Variants in CEP112 observed in about 807,000 individuals in gnomAD.
The protein encoded by CEP112 is centrosomal protein 112.
CEP112 carries 127 observed loss-of-function variants against 153.0 expected under a neutral mutation model. That is an observed-to-expected ratio of 0.83 (90% CI 0.72 to 0.96). The LOEUF (loss-of-function observed/expected upper bound fraction) is 0.96, where lower values mean the gene tolerates loss of function less well. Ranked by LOEUF, CEP112 falls within the 40% of genes least tolerant of loss-of-function variation. The pLI, the probability that CEP112 is intolerant of heterozygous loss-of-function variation, is 0.00. For synonymous variants in CEP112, 358 were observed against 374.4 expected, an observed-to-expected ratio of 0.96 and a Z score of 0.51; for missense variants, 1,089 against 1,101.2, an observed-to-expected ratio of 0.99 and a Z score of 0.16.
At chr17:65,886,472 T>A (rs1220282023) in intron 20 of CEP112, among the ~76,000 whole-genome samples, 1 of 152,228 alleles carries the variant, frequency 6.6e-6, no homozygotes, top group Non-Finnish European at 1.5e-5. Flanking sequence ...CATATTTTTA[T>A]ACTTGGTTAA....
chr17:65,926,695 AGAGT>A (rs10565080), intron 19 of CEP112, among the ~76,000 whole-genome samples: 5,611 of 151,886 alleles, frequency 0.037, 313 homozygotes, highest in African/African-American at 0.12. Context: ...CCTGGGTGAG[AGAGT>A]GAGACTCCTT....
intron 16 of CEP112, among the ~76,000 whole-genome samples, chr17:66,012,697 T>C (rs1486390436): frequency 6.6e-6 from 1 of 152,176 alleles, no homozygotes; most frequent in African/African-American, 2.4e-5. Context: ...CTGATAACTA[T>C]GTGTCTTGGG....
intron 24 of CEP112, among the ~76,000 whole-genome samples, chr17:65,654,255 G>T (rs925823407): frequency 6.6e-6 from 1 of 152,094 alleles, no homozygotes; most frequent in African/African-American, 2.4e-5. Flanking sequence ...CTGCTGCAGA[G>T]CTCATGTACT....
At chr17:65,817,299 A>G (rs945405030) in intron 21 of CEP112, among the ~76,000 whole-genome samples, 9 of 151,956 alleles carry the variant, frequency 5.9e-5, no homozygotes, top group African/African-American at 1.7e-4. Flanking sequence ...TAATTAAACC[A>G]TTTAGGTTAT....
intron 20 of CEP112, among the ~76,000 whole-genome samples, chr17:65,861,103 A>G (rs1315861905): frequency 6.6e-6 from 1 of 152,200 alleles, no homozygotes; most frequent in African/African-American, 2.4e-5. Context: ...GGGAGTGTTG[A>G]GTGGAAATGA....
chr17:66,069,069 C>T (rs1453623341), intron 9 of CEP112, among the ~76,000 whole-genome samples: 1 of 151,210 alleles, frequency 6.6e-6, no homozygotes, highest in South Asian at 2.1e-4. Context: ...AAGCCAAATA[C>T]GTATTTTACT....
intron 9 of CEP112, among the ~76,000 whole-genome samples, chr17:66,068,769 A>T (rs2067209239): frequency 6.6e-6 from 1 of 152,134 alleles, no homozygotes; most frequent in Non-Finnish European, 1.5e-5. Context: ...CCTATTTCAA[A>T]TTCCATCACC....
intron 22 of CEP112, among the ~76,000 whole-genome samples, chr17:65,743,713 C>T (rs2051265933): frequency 6.6e-6 from 1 of 151,672 alleles, no homozygotes; most frequent in African/African-American, 2.4e-5. Context: ...GTTCTTATGT[C>T]ATTTACTACT....
At chr17:65,810,149 A>C (rs1330797489) in intron 21 of CEP112, among the ~76,000 whole-genome samples, 1 of 152,258 alleles carries the variant, frequency 6.6e-6, no homozygotes, top group Admixed American at 6.5e-5. Flanking sequence ...AAGGCAGTAG[A>C]ATAATTAAGT....
intron 1 of CEP112, among the ~76,000 whole-genome samples, chr17:66,188,528 T>C (rs1402086670): frequency 6.6e-6 from 1 of 151,034 alleles, no homozygotes; most frequent in Non-Finnish European, 1.5e-5. Flanking sequence ...CTAGACTGGC[T>C]GTTGCTCTGT....
intron 21 of CEP112, among the ~76,000 whole-genome samples, chr17:65,847,792 G>C (rs1021155505): frequency 6.6e-6 from 1 of 152,238 alleles, no homozygotes; most frequent in Non-Finnish European, 1.5e-5. Flanking sequence ...AGGTAGGCCA[G>C]ACTTTGGATG....
intron 25 of CEP112, among the ~76,000 whole-genome samples, chr17:65,640,359 G>A (rs2045065254): frequency 6.6e-6 from 1 of 151,598 alleles, no homozygotes; most frequent in South Asian, 2.1e-4. Flanking sequence ...TTGCCGTGTT[G>A]GCCAGGATGG....
intron 23 of CEP112, among the ~76,000 whole-genome samples, chr17:65,733,557 TA>T (rs1452058204): frequency 6.6e-5 from 10 of 152,220 alleles, no homozygotes; most frequent in African/African-American, 2.2e-4. Flanking sequence ...AGGCGCACGA[TA>T]TTTTTTTAGA....
intron 21 of CEP112, among the ~76,000 whole-genome samples, chr17:65,773,672 C>T (rs961585620): frequency 1.3e-5 from 2 of 152,106 alleles, no homozygotes; most frequent in South Asian, 2.1e-4. Context: ...AGTGATTTTT[C>T]GGTGCAATGT....
intron 17 of CEP112, among the ~76,000 whole-genome samples, chr17:65,969,457 T>C (rs1267253051): frequency 2.0e-5 from 3 of 152,202 alleles, no homozygotes; most frequent in Non-Finnish European, 4.4e-5. Context: ...ATCACACATG[T>C]ATCACATGCA....
chr17:65,715,048 G>A (rs1431804371), intron 23 of CEP112, among the ~76,000 whole-genome samples: 2 of 152,116 alleles, frequency 1.3e-5, no homozygotes, highest in African/African-American at 2.4e-5. Flanking sequence ...AGTAGTAAGT[G>A]TAAAGTGGAT....
At chr17:66,023,100 T>C (rs1116923) in intron 16 of CEP112, among the ~76,000 whole-genome samples, 62,478 of 151,974 alleles carry the variant, frequency 0.41, 14,313 homozygotes, top group East Asian at 0.87. Context: ...AAGATTGCCA[T>C]TCCTGAAAGA....
intron 25 of CEP112, among the ~76,000 whole-genome samples, chr17:65,640,137 C>CATATATATATATATATATATATATATAT (rs762352624): frequency 8.0e-5 from 9 of 112,160 alleles, no homozygotes; most frequent in Non-Finnish European, 1.5e-4. Flanking sequence ...TGCACCCGAC[C>CATATATATATATATATATATATATATAT]ATATATATAT....
chr17:66,059,967 TA>T lies in CEP112; in HGVS notation c.1074+2995del, dbSNP rs1465840515. ...TACACCATGGAATACTAGATGGCCATAAAAAAATGAAATCATGTCCTTCGCA... is the reference window on the plus strand; with the variant it reads ...TACACCATGGAATACTAGATGGCCATAAAAAATGAAATCATGTCCTTCGCA... On this transcript the variant is annotated intron_variant, in intron 11 of 26. Transcript: ENST00000535342. Among the ~76,000 whole-genome samples, 14 of 151,768 alleles carry T rather than the reference TA, an allele frequency of 9.2e-5. No individual in the cohort carries two copies. The South Asian group carries it at 1.9e-3, about 20-fold the overall frequency.
Sources: gnomAD v4.1 joint callset for allele counts (sites outside exome capture counted in the v4.1 genomes callset) on GRCh38, gnomAD v4.1.1 for gene constraint, MANE v1.5 for transcripts, NCBI Gene and HGNC (gene_info 2026-07-23, HGNC 2026-07-21) for gene names.